The following PCDHA4 variants were observed in gnomAD, a reference collection of about 807,000 sequenced individuals.
PCDHA4 encodes the protein protocadherin alpha-4.
In PCDHA4, 49 loss-of-function variants were observed where a neutral mutation model predicts 61.4. The observed-to-expected ratio is 0.80, with a 90% CI of 0.63 to 1.01. The LOEUF (loss-of-function observed/expected upper bound fraction) is 1.01. Among genes scored for constraint, PCDHA4 ranks in the 50% least tolerant of loss-of-function variants. PCDHA4 has a pLI of 0.00. For missense variants in PCDHA4, 1,254 were observed against 1,235.8 expected (o/e 1.01, Z -0.22); for synonymous variants, 590 against 550.3 (o/e 1.07, Z -1.01).
At chr5:140,876,705 C>A (rs369536692) in intron 1 of PCDHA4, 2 of 1,614,122 alleles carry the variant, frequency 1.2e-6, no homozygotes, top group Non-Finnish European at 1.7e-6. Context: ...TGCTGGACAG[C>A]GCCCTGGACC....
chr5:140,924,714 G>C (rs2081964744), intron 1 of PCDHA4, among the ~76,000 whole-genome samples: 1 of 151,860 alleles, frequency 6.6e-6, no homozygotes, highest in African/African-American at 2.4e-5. Context: ...GTGCAACATG[G>C]CGAAACCTCA....
chr5:140,976,142 C>T (rs1554237347), intron 1 of PCDHA4, among the ~76,000 whole-genome samples: 2 of 152,138 alleles, frequency 1.3e-5, no homozygotes, highest in Admixed American at 1.3e-4. Context: ...GGATGAAACT[C>T]ATGTACATTT....
At chr5:140,873,642 G>T (rs1217578025) in intron 1 of PCDHA4, among the ~76,000 whole-genome samples, 1 of 152,154 alleles carries the variant, frequency 6.6e-6, no homozygotes, top group Non-Finnish European at 1.5e-5. Flanking sequence ...GAGTATGTGA[G>T]AACTACATAA....
intron 1 of PCDHA4, chr5:140,852,261 A>G: frequency 2.0e-6 from 1 of 506,240 alleles, no homozygotes; most frequent in Non-Finnish European, 2.6e-6. Flanking sequence ...GGAATATGCT[A>G]CAATATTACA....
intron 3 of PCDHA4, among the ~76,000 whole-genome samples, chr5:140,998,786 A>G (rs1210415944): frequency 1.3e-5 from 2 of 152,026 alleles, no homozygotes; most frequent in African/African-American, 4.8e-5. Flanking sequence ...CTGGTCTGGA[A>G]CCCCTGACCT....
intron 1 of PCDHA4, among the ~76,000 whole-genome samples, chr5:140,846,947 G>T (rs772178263): frequency 6.7e-6 from 1 of 149,632 alleles, no homozygotes; most frequent in African/African-American, 2.4e-5. Flanking sequence ...ACTTGAAGGG[G>T]CATGGTGTGT....
At chr5:140,877,205 GCGAGTTGGTACCGCGGT>G in intron 1 of PCDHA4, 1 of 1,613,826 alleles carries the variant, frequency 6.2e-7, no homozygotes, top group Non-Finnish European at 8.5e-7. Flanking sequence ...GGCGCAGTTA[GCGAGTTGGTACCGCGGT>G]CGGTGGGTGC....
intron 1 of PCDHA4, among the ~76,000 whole-genome samples, chr5:140,846,095 G>A (rs2150384472): frequency 6.7e-5 from 10 of 149,712 alleles, no homozygotes; most frequent in African/African-American, 2.4e-4. Context: ...GTCCTTCCAA[G>A]GAATGTGTAG....
chr5:140,830,085 T>C, intron 1 of PCDHA4: 2 of 1,613,570 alleles, frequency 1.2e-6, no homozygotes, highest in Non-Finnish European at 1.7e-6. Flanking sequence ...ACGGCCACGG[T>C]TCTGGTGTCG....
intron 1 of PCDHA4, among the ~76,000 whole-genome samples, chr5:140,897,779 G>T (rs1157810079): frequency 6.6e-6 from 1 of 152,138 alleles, no homozygotes; most frequent in Non-Finnish European, 1.5e-5. Flanking sequence ...CTTCCACAAT[G>T]GTTGAACTAG....
rs184817309 is a variant in PCDHA4, at chr5:140,876,910, T to G, written c.2385+67338T>G. On this transcript the variant is annotated intron_variant, in intron 1 of 3. Coordinates refer to ENST00000530339, the MANE Select transcript of PCDHA4 (RefSeq NM_018907.4). The stretch of plus-strand genomic sequence containing the variant: ...CTGCCACATCTTCACGGTGTCGGCA[T>G]GGGACGCGGACGCGCAGAAGAACGC... 1.1e-5 allele frequency: 18 copies of G among 1,613,860 alleles called. No homozygotes were observed. The South Asian group carries it at 1.4e-4, about 13-fold the overall frequency.
intron 3 of PCDHA4, among the ~76,000 whole-genome samples, chr5:140,983,739 G>T (rs983923811): frequency 5.3e-5 from 8 of 152,194 alleles, no homozygotes; most frequent in African/African-American, 1.9e-4. Context: ...TGGCTGGCTT[G>T]CAATAATCCA....
chr5:140,858,392 G>T, intron 1 of PCDHA4: 1 of 1,579,080 alleles, frequency 6.3e-7, no homozygotes, highest in Non-Finnish European at 8.7e-7. Context: ...AATGGTAGAT[G>T]TGGACGGGGA....
At chr5:140,831,878 G>A (rs2150197940) in intron 1 of PCDHA4, among the ~76,000 whole-genome samples, 3 of 152,080 alleles carry the variant, frequency 2.0e-5, no homozygotes, top group Admixed American at 6.6e-5. Context: ...ATTGTAAGGC[G>A]CTTATAACTG....
At chr5:141,009,374 G>A (rs567366098) in intron 3 of PCDHA4, among the ~76,000 whole-genome samples, 2 of 152,334 alleles carry the variant, frequency 1.3e-5, no homozygotes, top group African/African-American at 2.4e-5. Context: ...TGGGAGGATT[G>A]ATTGAGCACA....
rs201991205 is a variant in PCDHA4 at position 140,982,521 on chromosome 5, G to C, written c.2491G>C (p.Gly831Arg). ...TGGCATTCTACGGGCTGGTCCAGGAGGGCCTGATCAGCAGTGGCCAACAGT... is the reference window on the plus strand; with the variant it reads ...TGGCATTCTACGGGCTGGTCCAGGACGGCCTGATCAGCAGTGGCCAACAGT... ...EAGILRAGPG[G>R]PDQQWPTVSS... Residue 831 changes from glycine to arginine, a missense_variant, in exon 3 of 4, where the codon GGG becomes CGG. Gly to Arg is a moderately radical substitution (Grantham distance 125). Coordinates refer to ENST00000530339, the MANE Select transcript of PCDHA4 (RefSeq NM_018907.4). The C allele has an allele frequency of 9.3e-6, 15 of 1,614,216 alleles. No individual in the cohort carries two copies. In the Admixed American group the frequency reaches 2.3e-4, roughly 25 times the overall value.
intron 3 of PCDHA4, among the ~76,000 whole-genome samples, chr5:141,005,407 T>C (rs2098211600): frequency 1.3e-5 from 2 of 151,168 alleles, no homozygotes; most frequent in Admixed American, 1.3e-4. Context: ...ACTTGAAGAG[T>C]GAGGAGTCAT....
At chr5:140,884,563 T>G in intron 1 of PCDHA4, 4 of 1,614,150 alleles carry the variant, frequency 2.5e-6, no homozygotes, top group Non-Finnish European at 3.4e-6. Context: ...AGGGCCCGCA[T>G]AAGACGGACC....
At chr5:140,950,050 T>C (rs1554219269) in intron 1 of PCDHA4, among the ~76,000 whole-genome samples, 3 of 151,956 alleles carry the variant, frequency 2.0e-5, no homozygotes, top group Admixed American at 6.6e-5. Context: ...CATATAAGAC[T>C]ATTTAGCTCT....
Sources: allele counts gnomAD v4.1 joint callset (sites outside exome capture counted in the v4.1 genomes callset), GRCh38; gene constraint gnomAD v4.1.1; transcripts MANE v1.5; gene names NCBI Gene and HGNC (gene_info 2026-07-23, HGNC 2026-07-21).